Variants in EPHX1 observed in about 807,000 individuals in gnomAD.
EPHX1 encodes epoxide hydratase.
Under a neutral mutation model 43.2 loss-of-function variants are expected in EPHX1, and 40 were observed. The ratio of observed to expected loss-of-function variants is 0.93; its 90% CI spans 0.72 to 1.21. EPHX1 has a LOEUF of 1.21. Among genes scored for constraint, EPHX1 ranks in the 50% most tolerant of loss-of-function variants. EPHX1 has a pLI of 0.00. For missense variants in EPHX1, 550 were observed against 570.4 expected (o/e 0.96, Z 0.36); for synonymous variants, 221 against 226.7 (o/e 0.98, Z 0.22).
intron 2 of EPHX1, among the ~76,000 whole-genome samples, chr1:225,829,957 A>C (rs1667485951): frequency 6.6e-6 from 1 of 152,048 alleles, no homozygotes; most frequent in South Asian, 2.1e-4. Flanking sequence ...CACCTATAAT[A>C]ATCCCAGCTA....
intron 1 of EPHX1, among the ~76,000 whole-genome samples, chr1:225,818,090 A>G (rs543214507): frequency 4.6e-5 from 7 of 152,150 alleles, no homozygotes; most frequent in Admixed American, 1.3e-4. Flanking sequence ...ATAGTGCCTC[A>G]TGCCACCTAC....
chr1:225,829,877 C>A (rs1003877595), intron 2 of EPHX1, among the ~76,000 whole-genome samples: 3 of 152,104 alleles, frequency 2.0e-5, no homozygotes, highest in African/African-American at 7.2e-5. Context: ...AGTTCAAGAC[C>A]AGCCTGGCCA....
chr1:225,811,200 G>T (rs1666466715), intron 1 of EPHX1, among the ~76,000 whole-genome samples: 1 of 152,146 alleles, frequency 6.6e-6, no homozygotes, highest in South Asian at 2.1e-4. Context: ...CTCCCTCCCT[G>T]GCAGATGTCG....
chr1:225,824,031 C>T (rs1348778725), intron 1 of EPHX1, among the ~76,000 whole-genome samples: 5 of 152,124 alleles, frequency 3.3e-5, no homozygotes, highest in Non-Finnish European at 5.9e-5. Context: ...CCTGCCTGGG[C>T]GGTGGGCATC....
intron 6 of EPHX1, among the ~76,000 whole-genome samples, chr1:225,841,544 A>G (rs1254776739): frequency 1.3e-5 from 2 of 150,756 alleles, no homozygotes; most frequent in Non-Finnish European, 2.9e-5. Context: ...TCGGCCTCCC[A>G]AAGTGCTGGG....
intron 1 of EPHX1, among the ~76,000 whole-genome samples, chr1:225,821,565 C>CTTTTTT (rs869228485): frequency 1.0e-4 from 7 of 69,864 alleles, no homozygotes; most frequent in African/African-American, 1.3e-4. Flanking sequence ...TTTTTTGGTT[C>CTTTTTT]TTTTTTTTTT....
At chr1:225,813,768 G>C (rs1350582298) in intron 1 of EPHX1, among the ~76,000 whole-genome samples, 5 of 152,192 alleles carry the variant, frequency 3.3e-5, no homozygotes, top group Non-Finnish European at 7.3e-5. Flanking sequence ...TGCTGTCTGT[G>C]TCTTTCCGTC....
Position 225,839,287 on chromosome 1 carries a change from C to T in EPHX1, c.663C>T (p.Tyr221=), listed in dbSNP as rs780586825. 10 of 1,614,010 alleles carry T rather than the reference C, an allele frequency of 6.2e-6. No individual in the cohort carries two copies. The highest frequency in any genetic ancestry group is 6.8e-6 in the Non-Finnish European group (8 of 1,180,002). The change falls in exon 5 of 9, where the codon TAC becomes TAT. Residue 221 remains tyrosine, a synonymous_variant. Transcript: ENST00000272167. ...LMLRLGFQEF[Y]IQGGDWGSLI... The stretch of plus-strand genomic sequence containing the variant: ...TGCGGCTGGGCTTCCAGGAATTCTA[C>T]ATTCAAGGAGGGGACTGGGGGTCCC...
chr1:225,810,317 T>C (rs1307495527), intron 1 of EPHX1, 148 bp downstream of exon 1: 1 of 151,516 alleles, frequency 6.6e-6, no homozygotes, highest in Non-Finnish European at 1.5e-5. Flanking sequence ...GAGGGACTTG[T>C]AGTTGGTCCG....
chr1:225,836,824 G>A (rs975810547), intron 3 of EPHX1, among the ~76,000 whole-genome samples: 5 of 152,226 alleles, frequency 3.3e-5, no homozygotes, highest in East Asian at 1.9e-4. Context: ...GCTGTGTAAA[G>A]TTTGAGTCCT....
intron 3 of EPHX1, among the ~76,000 whole-genome samples, chr1:225,836,058 AAAG>A (rs2102744519): frequency 6.6e-6 from 1 of 152,330 alleles, no homozygotes; most frequent in South Asian, 2.1e-4. Flanking sequence ...AGTTAAAAAA[AAAG>A]AGATTCTAAA....
chr1:225,842,394 T>C lies in EPHX1; in HGVS notation c.960T>C (p.Gly320=), dbSNP rs770506597. The C allele has an allele frequency of 6.2e-7, 1 of 1,613,940 alleles. No individual in the cohort carries two copies. The highest frequency in any genetic ancestry group is 8.5e-7 in the Non-Finnish European group (1 of 1,179,810). Residue 320 remains glycine, a synonymous_variant, in exon 7 of 9, where the codon GGT becomes GGC. Transcript: ENST00000272167. ...VGSALNDSPV[G]LAAYILEKFS... is the part of the protein sequence containing the mutation. ...CTGCTCTGAATGACTCTCCTGTGGG[T>C]CTGGCTGCCTATATTCTAGAGAAGT... is the stretch of plus-strand genomic sequence containing the variant.
At position 225,822,971 on chromosome 1, in the gene EPHX1, G is replaced by A. The variant is rs572928577; in HGVS notation, c.-5-5754G>A. The stretch of plus-strand genomic sequence containing the variant: ...AAATAACAAGAACAGGGGCTCCTCT[G>A]GGGTCTGTTACAAGGCAGAGATGCT... On this transcript the variant is annotated intron_variant, in intron 1 of 8. Transcript: ENST00000272167. Among the ~76,000 whole-genome samples, 9 of 152,258 alleles carry A rather than the reference G, an allele frequency of 5.9e-5. No individual in the cohort carries two copies. The East Asian group carries it at 1.7e-3, about 29-fold the overall frequency.
At chr1:225,828,970 A>G in intron 2 of EPHX1, 58 bp downstream of exon 2, 2 of 1,542,396 alleles carry the variant, frequency 1.3e-6, no homozygotes, top group South Asian at 1.2e-5. Flanking sequence ...TGTCGAAGAC[A>G]GGGGTTGGGT....
chr1:225,839,810 C>G lies in EPHX1; in HGVS notation c.723-19C>G. On this transcript the variant is annotated intron_variant, in intron 5 of 8. Transcript: ENST00000272167. ...TGACACCAGCCCAGCCTCACCCCGG[C>G]CCCTCTCTCTGCCTTCAGCCACGTG... The G allele has an allele frequency of 6.2e-7, 1 of 1,612,500 alleles. No individual in the cohort carries two copies. The highest frequency in any genetic ancestry group is 8.5e-7 in the Non-Finnish European group (1 of 1,179,368).
Position 225,845,325 on chromosome 1 carries a change from T to C in EPHX1, c.1346T>C (p.Leu449Pro). The change falls in exon 9 of 9, where the codon CTG becomes CCG. Residue 449 changes from leucine (L) to proline (P), a missense_variant. Leu to Pro is a moderately conservative substitution (Grantham distance 98). Coordinates refer to ENST00000272167, the MANE Select transcript of EPHX1 (RefSeq NM_001136018.4). ...CTCGCCCAGGACATCCGCAAGTTCC[T>C]GTCGGTGCTGGAGCGGCAATGACCC... ...ELLAQDIRKF[L>P]SVLERQ is the part of the protein sequence containing the mutation. The C allele has an allele frequency of 1.2e-6, 2 of 1,611,626 alleles. No homozygotes were observed. The highest frequency in any genetic ancestry group is 8.5e-7 in the Non-Finnish European group (1 of 1,179,972).
At chr1:225,836,012 T>G (rs116993926) in intron 3 of EPHX1, among the ~76,000 whole-genome samples, 20 of 152,138 alleles carry the variant, frequency 1.3e-4, no homozygotes, top group Admixed American at 2.6e-4. Context: ...AGGAGTAAAT[T>G]TGGCAACATA....
Position 225,831,794 on chromosome 1 carries a change from A to G in EPHX1, c.199A>G (p.Ile67Val), listed in dbSNP as rs1291011153. The change falls in exon 3 of 9, where the codon ATC becomes GTC. Residue 67 changes from isoleucine to valine, a missense_variant. By Grantham distance (29) the Ile-to-Val change is conservative. Transcript: ENST00000272167. Reference sequence around the variant, plus strand: ...TTTGCTCCAGGACTTACACCAGAGGATCGATAAGTTCCGTTTCACCCCACC... The same window carrying G: ...TTTGCTCCAGGACTTACACCAGAGGGTCGATAAGTTCCGTTTCACCCCACC... ...DEEIHDLHQR[I>V]DKFRFTPPLE... 4 of 1,614,060 alleles carry G rather than the reference A, an allele frequency of 2.5e-6. No homozygotes were observed. The Admixed American group carries it at 6.7e-5, about 27-fold the overall frequency.
chr1:225,842,308 G>A, intron 6 of EPHX1, 58 bp from the exon 7 acceptor site: 2 of 1,303,058 alleles, frequency 1.5e-6, no homozygotes, highest in Middle Eastern at 1.8e-4. Flanking sequence ...CACACCTGAA[G>A]CTCCAGCTCT....
Sources: allele counts gnomAD v4.1 joint callset (sites outside exome capture counted in the v4.1 genomes callset), GRCh38; gene constraint gnomAD v4.1.1; transcripts MANE v1.5; gene names NCBI Gene and HGNC (gene_info 2026-07-23, HGNC 2026-07-21).